ADAMTS20: variants seen among roughly 807,000 people sequenced by gnomAD.
The protein encoded by ADAMTS20 is ADAM metallopeptidase with thrombospondin type 1 motif 20.
Under a neutral mutation model 260.1 loss-of-function variants are expected in ADAMTS20, and 225 were observed. The ratio of observed to expected loss-of-function variants is 0.87; its 90% CI spans 0.78 to 0.97. ADAMTS20 has a LOEUF of 0.97. Among genes scored for constraint, ADAMTS20 ranks in the 50% least tolerant of loss-of-function variants. The probability of loss-of-function intolerance (pLI) is 0.00; values close to 1 mark genes in which losing one functional copy is unlikely to be tolerated. For synonymous variants in ADAMTS20, 802 were observed against 769.5 expected (o/e 1.04, Z -0.70); for missense variants, 2,400 against 2,337.7 (o/e 1.03, Z -0.55).
In ADAMTS20 at chr12:43,427,400, C is replaced by A; in HGVS notation, c.4015G>T (p.Ala1339Ser). 6.2e-7 allele frequency: 1 copy of A among 1,613,896 alleles called. No homozygotes were observed. The highest frequency in any genetic ancestry group is 8.5e-7 in the Non-Finnish European group (1 of 1,179,842). The part of the protein sequence containing the change: ...VVCQDENGQS[A>S]SYCDAASKPP... Reference sequence around the variant, plus strand: ...TTGGAGGCTGCATCGCAGTAACTAGCACTTTGTCCATTTTCATCCTGGCAG... The same window carrying A: ...TTGGAGGCTGCATCGCAGTAACTAGAACTTTGTCCATTTTCATCCTGGCAG... The change falls in exon 27 of 39, where the codon GCT (alanine) becomes TCT (serine). Residue 1339 changes from alanine (A) to serine (S), a missense_variant. By Grantham distance (99) the Ala-to-Ser change is moderately conservative. Coordinates refer to ENST00000389420, the MANE Select transcript of ADAMTS20 (RefSeq NM_025003.5).
intron 15 of ADAMTS20, among the ~76,000 whole-genome samples, chr12:43,445,603 G>A (rs938088034): frequency 1.3e-5 from 2 of 152,038 alleles, no homozygotes; most frequent in Admixed American, 6.6e-5. Flanking sequence ...TCAGGACTTT[G>A]GGAGGCCGAG....
chr12:43,386,793 T>A (rs1940488798), intron 29 of ADAMTS20, among the ~76,000 whole-genome samples: 1 of 152,228 alleles, frequency 6.6e-6, no homozygotes, highest in Non-Finnish European at 1.5e-5. Context: ...TTGATACTTG[T>A]GTATGCTTCA....
At chr12:43,375,193 A>AAAAAAAAAAAAAC (rs1940195974) in intron 36 of ADAMTS20, among the ~76,000 whole-genome samples, 186 bp downstream of exon 36, 1 of 151,572 alleles carries the variant, frequency 6.6e-6, no homozygotes. Flanking sequence ...AAAAAAAAAA[A>AAAAAAAAAAAAAC]AAAGCCCCAT....
intron 2 of ADAMTS20, among the ~76,000 whole-genome samples, chr12:43,539,106 C>T (rs1294350329): frequency 6.6e-6 from 1 of 152,006 alleles, no homozygotes. Flanking sequence ...GCACCTGCCA[C>T]CGCGCCCAGG....
At chr12:43,494,897 G>C (rs1449879290) in intron 4 of ADAMTS20, among the ~76,000 whole-genome samples, 2 of 152,126 alleles carry the variant, frequency 1.3e-5, no homozygotes, top group Non-Finnish European at 2.9e-5. Flanking sequence ...AAACCTCAAA[G>C]GTATTTATAA....
In ADAMTS20 at chr12:43,428,794, G is replaced by A. The variant is rs553461489; in HGVS notation, c.3495C>T (p.Ser1165=). 30 of 1,601,904 alleles carry A rather than the reference G, an allele frequency of 1.9e-5. No homozygotes were observed. Among genetic ancestry groups the A allele is most frequent in the Middle Eastern group, 3.3e-4 (2 of 6,000 alleles). The change falls in exon 25 of 39, where the codon TCC becomes TCT. Residue 1165 remains serine (S), a synonymous_variant. Transcript: ENST00000389420. ...QWRHGSWTPC[S]VSCGRGTQAR... ...CTTGAGTACCTCTTCCACAAGATAC[G>A]GAGCACTTTTTAAGAAATCAAATTG...
At chr12:43,475,411 C>T (rs2137401887) in intron 7 of ADAMTS20, among the ~76,000 whole-genome samples, 1 of 140,770 alleles carries the variant, frequency 7.1e-6, no homozygotes, top group Admixed American at 7.4e-5. Context: ...AATGGCCATA[C>T]TGCCCAAGGT....
intron 18 of ADAMTS20, among the ~76,000 whole-genome samples, chr12:43,438,151 A>C (rs898313512): frequency 6.6e-6 from 1 of 152,228 alleles, no homozygotes; most frequent in Non-Finnish European, 1.5e-5. Flanking sequence ...ATTGTTTAAG[A>C]GAACTCTCCT....
chr12:43,527,714 CACTT>C (rs1943162128), intron 3 of ADAMTS20, among the ~76,000 whole-genome samples: 1 of 152,088 alleles, frequency 6.6e-6, no homozygotes, highest in South Asian at 2.1e-4. Context: ...ATATTTAACA[CACTT>C]ACAGCAAACA....
chr12:43,443,971 G>A, intron 15 of ADAMTS20, 88 bp from the exon 16 acceptor site: 2 of 998,812 alleles, frequency 2.0e-6, no homozygotes, highest in Non-Finnish European at 3.1e-6. Context: ...AATTCGAATA[G>A]CATAGTCAGA....
intron 2 of ADAMTS20, among the ~76,000 whole-genome samples, chr12:43,539,435 A>G (rs1312605538): frequency 6.6e-6 from 1 of 152,216 alleles, no homozygotes; most frequent in Non-Finnish European, 1.5e-5. Context: ...TACTGACTAT[A>G]AAGCACTGAA....
intron 28 of ADAMTS20, among the ~76,000 whole-genome samples, chr12:43,424,216 T>C (rs1314927711): frequency 6.6e-6 from 1 of 152,174 alleles, no homozygotes; most frequent in Non-Finnish European, 1.5e-5. Context: ...AATGGCAATG[T>C]ACTTGGTCAT....
chr12:43,543,652 A>G (rs1440897983), intron 2 of ADAMTS20, among the ~76,000 whole-genome samples: 2 of 152,362 alleles, frequency 1.3e-5, no homozygotes, highest in Non-Finnish European at 2.9e-5. Context: ...CCTTATAGAC[A>G]AGATGAGTAT....
intron 3 of ADAMTS20, among the ~76,000 whole-genome samples, chr12:43,522,391 T>C (rs1441575145): frequency 6.6e-6 from 1 of 152,152 alleles, no homozygotes; most frequent in Non-Finnish European, 1.5e-5. Flanking sequence ...GAGATTTGGG[T>C]GGGGACACAG....
chr12:43,429,986 C>T (rs1941409328), intron 23 of ADAMTS20, among the ~76,000 whole-genome samples: 1 of 152,040 alleles, frequency 6.6e-6, no homozygotes, highest in South Asian at 2.1e-4. Flanking sequence ...AAATACTGCT[C>T]AGCTAAAACA....
At chr12:43,459,753 A>G (rs1018053056) in intron 11 of ADAMTS20, among the ~76,000 whole-genome samples, 1 of 152,214 alleles carries the variant, frequency 6.6e-6, no homozygotes, top group Non-Finnish European at 1.5e-5. Context: ...GTCATTCAAT[A>G]TAAGAAAGCC....
intron 3 of ADAMTS20, among the ~76,000 whole-genome samples, chr12:43,515,702 T>C (rs561409799): frequency 6.6e-6 from 1 of 152,298 alleles, no homozygotes; most frequent in East Asian, 1.9e-4. Flanking sequence ...GAAACAAAAA[T>C]TCTATGTGAT....
chr12:43,520,892 A>G (rs552589020), intron 3 of ADAMTS20, among the ~76,000 whole-genome samples: 1 of 152,322 alleles, frequency 6.6e-6, no homozygotes, highest in Admixed American at 6.5e-5. Flanking sequence ...TTCAGCTCTC[A>G]TGTTTCTTTT....
rs1164960225 is a variant in ADAMTS20 at position 43,356,479 on chromosome 12, C to T, written c.5643+5G>A. ...AAACAGGCTTTTTGGTCCCGCAGGA[C>T]TTACCTCTGATCTTCGTATGCTGAC... is the stretch of plus-strand genomic sequence containing the variant. On this transcript the variant is annotated splice_donor_5th_base_variant and intron_variant, in intron 38 of 38. Coordinates refer to ENST00000389420, the MANE Select transcript of ADAMTS20 (RefSeq NM_025003.5). The T allele has an allele frequency of 2.5e-6, 4 of 1,593,078 alleles. No homozygotes were observed. Among genetic ancestry groups the T allele is most frequent in the African/African-American group, 1.3e-5 (1 of 74,588 alleles).
Sources: gnomAD v4.1 joint callset for allele counts (sites outside exome capture counted in the v4.1 genomes callset) on GRCh38, gnomAD v4.1.1 for gene constraint, MANE v1.5 for transcripts, NCBI Gene and HGNC (gene_info 2026-07-23, HGNC 2026-07-21) for gene names.